ANKRD7: variants seen among roughly 807,000 people sequenced by gnomAD.
The protein encoded by ANKRD7 is ankyrin repeat domain 7.
ANKRD7 carries 30 observed loss-of-function variants against 30.8 expected under a neutral mutation model. The observed-to-expected ratio is 0.97, with a 90% CI of 0.73 to 1.32. The LOEUF is 1.32. ANKRD7 is among the 40% of genes most tolerant of loss of function. The pLI, the probability that ANKRD7 is intolerant of heterozygous loss-of-function variation, is 0.00. For missense variants in ANKRD7, 264 were observed against 295.7 expected, an observed-to-expected ratio of 0.89 and a Z score of 0.79; for synonymous variants, 97 against 106.6, an observed-to-expected ratio of 0.91 and a Z score of 0.55.
intron 1 of ANKRD7, chr7:118,227,914 T>C: frequency 2.2e-6 from 3 of 1,351,090 alleles, no homozygotes; most frequent in Non-Finnish European, 3.0e-6. Context: ...GTCTTTTTTT[T>C]TTTTTTAACA....
chr7:118,241,093 G>C (rs1308366437), intron 6 of ANKRD7, among the ~76,000 whole-genome samples: 1 of 144,466 alleles, frequency 6.9e-6, no homozygotes, highest in East Asian at 2.0e-4. Context: ...GGCGGAGCTT[G>C]CAGTGAGCCG....
Position 118,224,820 on chromosome 7 carries a change from C to A in ANKRD7, c.-11C>A. On this transcript the variant is annotated 5_prime_UTR_variant, in exon 1 of 7. Transcript: ENST00000265224. Reference sequence around the variant, plus strand: ...TCCTGGTCTGAGGGAAAGGCTGCAGCCTGCACCGCCATGAATAAGCTTTTC... The same window carrying A: ...TCCTGGTCTGAGGGAAAGGCTGCAGACTGCACCGCCATGAATAAGCTTTTC... The A allele has an allele frequency of 6.2e-7, 1 of 1,608,160 alleles. No individual in the cohort carries two copies. Among genetic ancestry groups the A allele is most frequent in the Non-Finnish European group, 8.5e-7 (1 of 1,178,080 alleles).
intron 1 of ANKRD7, among the ~76,000 whole-genome samples, chr7:118,233,799 C>T (rs1809680458): frequency 1.3e-5 from 2 of 152,052 alleles, no homozygotes; most frequent in Admixed American, 1.3e-4. Context: ...AGGCTAAAAA[C>T]TGCAAAATTT....
At chr7:118,241,155 C>T (rs990603729) in intron 6 of ANKRD7, among the ~76,000 whole-genome samples, 6 of 111,884 alleles carry the variant, frequency 5.4e-5, no homozygotes, top group Non-Finnish European at 8.4e-5. Flanking sequence ...AGCGAGACTC[C>T]GTCTCAAAAA....
At chr7:118,236,964 GT>G (rs1368363367) in intron 5 of ANKRD7, 38 bp downstream of exon 5, 3 of 1,604,080 alleles carry the variant, frequency 1.9e-6, no homozygotes, top group African/African-American at 2.7e-5. Context: ...ACTGTATGGG[GT>G]TTGATTATAA....
chr7:118,229,091 C>T (rs931180498), intron 1 of ANKRD7, among the ~76,000 whole-genome samples: 12 of 152,120 alleles, frequency 7.9e-5, no homozygotes, highest in African/African-American at 2.4e-4. Flanking sequence ...TCATTTACAT[C>T]CAGCTACACT....
chr7:118,239,502 A>G (rs1336198722), intron 5 of ANKRD7, among the ~76,000 whole-genome samples: 3 of 152,208 alleles, frequency 2.0e-5, no homozygotes, highest in Non-Finnish European at 4.4e-5. Context: ...TTTTCCCTTA[A>G]GGACCTCAGA....
At position 118,235,930 on chromosome 7, in the gene ANKRD7, T is replaced by G. The variant is rs1809720075; in HGVS notation, c.469-111T>G. On this transcript the variant is annotated intron_variant, in intron 3 of 6. Coordinates refer to ENST00000265224, the MANE Select transcript of ANKRD7 (RefSeq NM_019644.4). The stretch of plus-strand genomic sequence containing the variant: ...TTATGTATTAAAATCTTTTAAGAGT[T>G]AAAGTGTATATTCAGAAGTTCTTAT... The G allele has an allele frequency of 7.2e-6, 4 of 552,826 alleles. No individual in the cohort carries two copies. The East Asian group carries it at 1.2e-4, about 17-fold the overall frequency. 34.2% of individuals were successfully genotyped at this position (552,826 alleles called of 1,614,324 possible). A position where few individuals can be genotyped will look rare whatever the true frequency, so the allele number is the denominator to read the frequency against.
chr7:118,227,107 T>G lies in ANKRD7; in HGVS notation c.179+2098T>G, dbSNP rs372453840. Among the ~76,000 whole-genome samples the G allele has an allele frequency of 1.2e-4, 19 of 152,324 alleles. No individual in the cohort carries two copies. In the East Asian group the frequency reaches 2.5e-3, roughly 20 times the overall value. On this transcript the variant is annotated intron_variant, in intron 1 of 6. Transcript: ENST00000265224. ...TCTTGATTTTGTGCTTTGATACTGA[T>G]GTGCTTTGGTTCCTTTCTTTCTTTT... is the stretch of plus-strand genomic sequence containing the variant.
chr7:118,230,941 T>C (rs1017921714), intron 1 of ANKRD7, among the ~76,000 whole-genome samples: 3 of 151,970 alleles, frequency 2.0e-5, no homozygotes, highest in Non-Finnish European at 2.9e-5. Flanking sequence ...TTAGATATGT[T>C]TTCTAGTAAA....
At chr7:118,233,663 A>G (rs946002083) in intron 1 of ANKRD7, among the ~76,000 whole-genome samples, 2 of 152,138 alleles carry the variant, frequency 1.3e-5, no homozygotes, top group Non-Finnish European at 2.9e-5. Flanking sequence ...CAAGGAAAAT[A>G]TATTTAAGTT....
chr7:118,234,058 T>C (rs1476774788), intron 1 of ANKRD7, among the ~76,000 whole-genome samples: 1 of 152,174 alleles, frequency 6.6e-6, no homozygotes, highest in Non-Finnish European at 1.5e-5. Flanking sequence ...AGTAATATCC[T>C]TTCCTCCTGT....
chr7:118,230,546 A>G (rs1809618502), intron 1 of ANKRD7, among the ~76,000 whole-genome samples: 1 of 152,080 alleles, frequency 6.6e-6, no homozygotes, highest in Non-Finnish European at 1.5e-5. Flanking sequence ...GTCAAAATTC[A>G]TAAAGTTGTA....
chr7:118,224,752 C>G lies in ANKRD7; in HGVS notation c.-79C>G, dbSNP rs1809508817. 20 of 1,529,028 alleles carry G rather than the reference C, an allele frequency of 1.3e-5. No individual in the cohort carries two copies. The highest frequency in any genetic ancestry group is 1.7e-5 in the Non-Finnish European group (20 of 1,143,272). 94.7% of individuals were successfully genotyped at this position (1,529,028 alleles called of 1,614,324 possible). On this transcript the variant is annotated 5_prime_UTR_variant, in exon 1 of 7. Coordinates refer to ENST00000265224, the MANE Select transcript of ANKRD7 (RefSeq NM_019644.4). ...CTGGAGAGGGCTGCCGGCCGGATGC[C>G]AGGGCAGAGGGGCAGGGCGGACGGC...
intron 1 of ANKRD7, among the ~76,000 whole-genome samples, chr7:118,230,912 C>T (rs1243636425): frequency 6.6e-6 from 1 of 151,480 alleles, no homozygotes; most frequent in East Asian, 1.9e-4. Flanking sequence ...ATATTAATGG[C>T]CTAATGGAAG....
chr7:118,241,802 G>A (rs534917264), intron 6 of ANKRD7, among the ~76,000 whole-genome samples: 39 of 152,096 alleles, frequency 2.6e-4, no homozygotes, highest in African/African-American at 9.2e-4. Context: ...GCCTCCCAAA[G>A]TGCTATAATT....
chr7:118,235,995 G>A, intron 3 of ANKRD7, 46 bp from the exon 4 acceptor site: 1 of 1,066,366 alleles, frequency 9.4e-7, no homozygotes, highest in Non-Finnish European at 1.4e-6. Flanking sequence ...TAAAGAGCAT[G>A]AAAATTTGCT....
intron 5 of ANKRD7, among the ~76,000 whole-genome samples, chr7:118,238,807 T>A (rs1460876826): frequency 6.6e-6 from 1 of 152,204 alleles, no homozygotes; most frequent in Non-Finnish European, 1.5e-5. Flanking sequence ...ACTGAGTTAA[T>A]TGTCTTCACT....
chr7:118,240,980 C>T (rs1809825156), intron 6 of ANKRD7, among the ~76,000 whole-genome samples: 1 of 149,082 alleles, frequency 6.7e-6, no homozygotes, highest in African/African-American at 2.5e-5. Flanking sequence ...AGGTGAAACC[C>T]CGTCTCTACT....
Sources: gnomAD v4.1 joint callset for allele counts (sites outside exome capture counted in the v4.1 genomes callset) on GRCh38, gnomAD v4.1.1 for gene constraint, MANE v1.5 for transcripts, NCBI Gene and HGNC (gene_info 2026-07-23, HGNC 2026-07-21) for gene names.